Variants in RBMS3 observed in about 807,000 individuals in gnomAD.
The protein encoded by RBMS3 is RNA-binding motif, single-stranded-interacting protein 3.
RBMS3 carries 27 observed loss-of-function variants against 66.8 expected under a neutral mutation model. That is an observed-to-expected ratio of 0.40 (90% CI 0.30 to 0.56). The LOEUF (loss-of-function observed/expected upper bound fraction) is 0.56. Among genes scored for constraint, RBMS3 ranks in the 20% least tolerant of loss-of-function variants. The pLI is 0.40. For synonymous variants in RBMS3, 188 were observed against 183.0 expected, an observed-to-expected ratio of 1.03 and a Z score of -0.22; for missense variants, 513 against 549.5, an observed-to-expected ratio of 0.93 and a Z score of 0.66.
At position 29,295,314 on chromosome 3, in the gene RBMS3, T is replaced by C. The variant is rs377292344; in HGVS notation, c.75+13558T>C. 4.9e-4 allele frequency among the ~76,000 whole-genome samples: 51 copies of C among 105,136 alleles called. 2 individuals are homozygous for C. Among genetic ancestry groups the C allele is most frequent in the South Asian group, 1.5e-3 (4 of 2,750 alleles). The allele number at this position is 105,136 out of a possible 152,430, so 69.0% of individuals were successfully genotyped here. A position where few individuals can be genotyped will look rare whatever the true frequency, so the allele number is the denominator to read the frequency against. ...ATATATACATATATATCTATATATATACATATATATATACACACACATATA... is the reference window on the plus strand; with the variant it reads ...ATATATACATATATATCTATATATACACATATATATATACACACACATATA... On this transcript the variant is annotated intron_variant, in intron 1 of 14. Coordinates refer to ENST00000383767, the MANE Select transcript of RBMS3 (RefSeq NM_001003793.3).
At chr3:29,833,872 C>A (rs141338691) in intron 6 of RBMS3, among the ~76,000 whole-genome samples, 1 of 151,886 alleles carries the variant, frequency 6.6e-6, no homozygotes, top group Admixed American at 6.6e-5. Flanking sequence ...AGACTCACTA[C>A]GACACATTAA....
At chr3:29,416,907 A>C (rs1425587431) in intron 1 of RBMS3, among the ~76,000 whole-genome samples, 1 of 152,144 alleles carries the variant, frequency 6.6e-6, no homozygotes, top group Non-Finnish European at 1.5e-5. Flanking sequence ...TTCTTACCTT[A>C]TAACAAGTTA....
chr3:29,330,066 G>A (rs1242397711), intron 1 of RBMS3, among the ~76,000 whole-genome samples: 2 of 151,912 alleles, frequency 1.3e-5, no homozygotes, highest in Non-Finnish European at 2.9e-5. Flanking sequence ...CATCACTAGG[G>A]ACTATAGCCA....
intron 1 of RBMS3, among the ~76,000 whole-genome samples, chr3:29,361,794 C>G (rs1048136262): frequency 6.6e-6 from 1 of 152,110 alleles, no homozygotes; most frequent in Non-Finnish European, 1.5e-5. Context: ...TCATTTCATT[C>G]ATTTGATCTT....
intron 10 of RBMS3, among the ~76,000 whole-genome samples, chr3:29,913,699 A>G (rs952880056): frequency 5.3e-5 from 8 of 152,004 alleles, no homozygotes; most frequent in African/African-American, 1.9e-4. Context: ...TTTATCAAAG[A>G]GTTATTCTTA....
intron 3 of RBMS3, among the ~76,000 whole-genome samples, chr3:29,519,425 C>G (rs2148970331): frequency 6.6e-6 from 1 of 152,228 alleles, no homozygotes; most frequent in East Asian, 1.9e-4. Flanking sequence ...CTCCAAGCAA[C>G]TGTCTTGATT....
intron 10 of RBMS3, chr3:29,934,078 C>T (rs901731408): frequency 6.6e-6 from 1 of 152,060 alleles, no homozygotes; most frequent in African/African-American, 2.4e-5. Context: ...AGAAAGTATC[C>T]TTACCAAACG....
At chr3:29,727,951 C>A (rs79421955) in intron 4 of RBMS3, among the ~76,000 whole-genome samples, 9,087 of 152,138 alleles carry the variant, frequency 0.06, 885 homozygotes, top group African/African-American at 0.2. Context: ...AGACTTGGAA[C>A]CAACCCCAAT....
intron 2 of RBMS3, among the ~76,000 whole-genome samples, chr3:29,451,268 T>A (rs898104544): frequency 6.6e-6 from 1 of 152,178 alleles, no homozygotes. Flanking sequence ...AGGATGAAAC[T>A]TTTTTATAAC....
At chr3:29,564,901 C>G (rs950144340) in intron 3 of RBMS3, among the ~76,000 whole-genome samples, 1 of 152,072 alleles carries the variant, frequency 6.6e-6, no homozygotes, top group African/African-American at 2.4e-5. Context: ...AAAAGAATAT[C>G]TTTAAAAATC....
intron 6 of RBMS3, among the ~76,000 whole-genome samples, chr3:29,833,062 A>C (rs2058415800): frequency 6.6e-6 from 1 of 152,292 alleles, no homozygotes; most frequent in South Asian, 2.1e-4. Flanking sequence ...GAGACAGCAT[A>C]CAGTCTTAAG....
At chr3:29,880,887 C>T (rs1679442670) in intron 7 of RBMS3, 1 of 1,443,348 alleles carries the variant, frequency 6.9e-7, no homozygotes, top group African/African-American at 1.4e-5. Context: ...TCTCCACCTC[C>T]CTCTCCCAAG....
At chr3:29,729,147 C>T (rs7651452) in intron 4 of RBMS3, among the ~76,000 whole-genome samples, 1 of 147,514 alleles carries the variant, frequency 6.8e-6, no homozygotes, top group Non-Finnish European at 1.5e-5. Context: ...CCCCACCCCC[C>T]AACCCCCTGA....
At chr3:29,635,034 A>T (rs1045671874) in intron 4 of RBMS3, among the ~76,000 whole-genome samples, 15 of 151,896 alleles carry the variant, frequency 9.9e-5, no homozygotes, top group Admixed American at 9.2e-4. Flanking sequence ...ACAAATCACT[A>T]CCAGACAAGT....
intron 3 of RBMS3, among the ~76,000 whole-genome samples, chr3:29,558,658 A>G (rs2046438168): frequency 6.6e-6 from 1 of 152,202 alleles, no homozygotes; most frequent in Non-Finnish European, 1.5e-5. Flanking sequence ...AACTCTTAGA[A>G]CCTGAAATGA....
intron 10 of RBMS3, among the ~76,000 whole-genome samples, chr3:29,919,776 T>A (rs192791676): frequency 5.7e-4 from 87 of 152,348 alleles, no homozygotes; most frequent in Non-Finnish European, 9.7e-4. Flanking sequence ...CCTGGCTGCA[T>A]AATGCTGTCA....
chr3:29,651,390 T>C (rs146520542), intron 4 of RBMS3, among the ~76,000 whole-genome samples: 1 of 152,318 alleles, frequency 6.6e-6, no homozygotes, highest in East Asian at 1.9e-4. Context: ...ACGTGATTAT[T>C]ATTCTTTGAA....
chr3:29,993,589 C>A (rs1285034689), intron 14 of RBMS3, among the ~76,000 whole-genome samples: 3 of 152,148 alleles, frequency 2.0e-5, no homozygotes, highest in Non-Finnish European at 4.4e-5. Context: ...GTTAGTTGAA[C>A]CCCTGAATAG....
intron 4 of RBMS3, among the ~76,000 whole-genome samples, chr3:29,634,030 G>C (rs1398854563): frequency 1.3e-5 from 2 of 151,764 alleles, no homozygotes; most frequent in Non-Finnish European, 1.5e-5. Context: ...TTTTGCTTCT[G>C]ACAAAGGAAG....
Sources: allele counts gnomAD v4.1 joint callset (sites outside exome capture counted in the v4.1 genomes callset), GRCh38; gene constraint gnomAD v4.1.1; transcripts MANE v1.5; gene names NCBI Gene and HGNC (gene_info 2026-07-23, HGNC 2026-07-21).